CEP112: variants seen among roughly 807,000 people sequenced by gnomAD.
The protein encoded by CEP112 is centrosomal protein of 112 kDa.
A neutral mutation model predicts 153.0 loss-of-function variants in CEP112; 127 were observed. The ratio of observed to expected loss-of-function variants is 0.83; its 90% CI spans 0.72 to 0.96. CEP112 has a LOEUF of 0.96. Among genes scored for constraint, CEP112 ranks in the 40% least tolerant of loss-of-function variants. CEP112 has a pLI of 0.00. For synonymous variants in CEP112, 358 were observed against 374.4 expected, an observed-to-expected ratio of 0.96 and a Z score of 0.51; for missense variants, 1,089 against 1,101.2, an observed-to-expected ratio of 0.99 and a Z score of 0.16.
At chr17:65,685,368 T>TA (rs1472417984) in intron 24 of CEP112, among the ~76,000 whole-genome samples, 5 of 152,188 alleles carry the variant, frequency 3.3e-5, no homozygotes, top group South Asian at 2.1e-4. Context: ...GCAAGCAAGT[T>TA]AAAAAAAGCA....
Position 65,743,168 on chromosome 17 carries a change from C to T in CEP112, c.2507G>A (p.Ser836Asn), listed in dbSNP as rs2051232979. ...TTISSLKEEN[S>N]QQQLAAERRL... ...CCTTTCTGCAGCAAGCTGCTGCTGG[C>T]TGTTCTCTTCTTTCAGAGAGGAAAT... Residue 836 changes from serine to asparagine, a missense_variant, in exon 23 of 27, where the codon AGC (serine) becomes AAC (asparagine). By Grantham distance (46) the Ser-to-Asn change is conservative (BLOSUM62 1). Coordinates refer to ENST00000535342, the MANE Select transcript of CEP112 (RefSeq NM_001199165.4). 8.7e-6 allele frequency: 14 copies of T among 1,612,666 alleles called. No homozygotes were observed. Among genetic ancestry groups the T allele is most frequent in the Non-Finnish European group, 1.2e-5 (14 of 1,179,400 alleles).
chr17:65,941,540 C>T (rs1469957288), intron 18 of CEP112: 1 of 152,138 alleles, frequency 6.6e-6, no homozygotes, highest in Non-Finnish European at 1.5e-5. Flanking sequence ...TAGAAAAACA[C>T]AGCGTTCTCA....
At chr17:65,948,529 C>T (rs1285556872) in intron 18 of CEP112, among the ~76,000 whole-genome samples, 1 of 151,788 alleles carries the variant, frequency 6.6e-6, no homozygotes, top group African/African-American at 2.4e-5. Flanking sequence ...ATGTGTTTCA[C>T]AGAGAATAGG....
At chr17:66,188,860 G>A (rs2073053536) in intron 1 of CEP112, among the ~76,000 whole-genome samples, 2 of 152,086 alleles carry the variant, frequency 1.3e-5, no homozygotes, top group African/African-American at 2.4e-5. Flanking sequence ...ACAAACCAAT[G>A]GAAAATCATA....
At chr17:66,128,088 G>C (rs2069937135) in intron 6 of CEP112, among the ~76,000 whole-genome samples, 1 of 151,920 alleles carries the variant, frequency 6.6e-6, no homozygotes, top group South Asian at 2.1e-4. Flanking sequence ...ATCACCTGAG[G>C]GTCGGGAGTT....
chr17:66,176,244 C>T (rs2072467167), intron 3 of CEP112, among the ~76,000 whole-genome samples: 1 of 152,178 alleles, frequency 6.6e-6, no homozygotes, highest in African/African-American at 2.4e-5. Context: ...TTCTTAAGTA[C>T]AGGCACTCAA....
At chr17:65,752,466 G>A (rs77056458) in intron 21 of CEP112, among the ~76,000 whole-genome samples, 2,141 of 152,216 alleles carry the variant, frequency 0.014, 37 homozygotes, top group African/African-American at 0.049. Flanking sequence ...TTTTCAGAAG[G>A]GCATCAAGGT....
chr17:65,757,454 A>G (rs548424630), intron 21 of CEP112, among the ~76,000 whole-genome samples: 18 of 152,192 alleles, frequency 1.2e-4, no homozygotes, highest in Non-Finnish European at 2.6e-4. Context: ...TAGTCATCTA[A>G]AAAAAGCAGG....
chr17:65,763,225 T>C (rs2052723137), intron 21 of CEP112, among the ~76,000 whole-genome samples: 1 of 151,954 alleles, frequency 6.6e-6, no homozygotes, highest in African/African-American at 2.4e-5. Context: ...TCTGGCAGAT[T>C]TCAATACTTT....
intron 12 of CEP112, among the ~76,000 whole-genome samples, chr17:66,042,493 G>A (rs994313027): frequency 1.3e-5 from 2 of 151,842 alleles, no homozygotes; most frequent in African/African-American, 4.8e-5. Flanking sequence ...CTACTAGATG[G>A]GCATTTTACA....
At chr17:66,124,409 A>G (rs1007048759) in intron 6 of CEP112, among the ~76,000 whole-genome samples, 17 of 151,690 alleles carry the variant, frequency 1.1e-4, no homozygotes, top group South Asian at 2.1e-4. Context: ...AATACATGGG[A>G]AAAAAAAAGT....
chr17:66,112,926 C>A (rs988752209), intron 6 of CEP112, among the ~76,000 whole-genome samples: 6 of 150,864 alleles, frequency 4.0e-5, no homozygotes, highest in Non-Finnish European at 5.9e-5. Context: ...AGCCTGGGTG[C>A]CAGAGTGAAA....
At chr17:66,033,109 G>T (rs943807233) in intron 12 of CEP112, among the ~76,000 whole-genome samples, 2 of 152,018 alleles carry the variant, frequency 1.3e-5, no homozygotes, top group African/African-American at 4.8e-5. Flanking sequence ...ATTGATTAAG[G>T]GAAAGAAATA....
intron 8 of CEP112, among the ~76,000 whole-genome samples, chr17:66,082,744 C>T (rs2067768795): frequency 6.7e-6 from 1 of 149,414 alleles, no homozygotes; most frequent in Admixed American, 6.7e-5. Context: ...GCCTGGGCGA[C>T]AGAGCGAGAC....
At chr17:65,749,517 T>A (rs189306383) in intron 22 of CEP112, among the ~76,000 whole-genome samples, 2,049 of 151,368 alleles carry the variant, frequency 0.014, 51 homozygotes, top group African/African-American at 0.046. Context: ...CAAAAAAAAA[T>A]AAATAAATAA....
At chr17:66,068,972 T>A (rs1173230894) in intron 9 of CEP112, among the ~76,000 whole-genome samples, 2 of 151,870 alleles carry the variant, frequency 1.3e-5, no homozygotes, top group African/African-American at 4.8e-5. Context: ...AATATCTGAA[T>A]GGGGGAGAGG....
chr17:65,675,363 G>A (rs1415743328), intron 24 of CEP112, among the ~76,000 whole-genome samples: 1 of 152,256 alleles, frequency 6.6e-6, no homozygotes, highest in East Asian at 1.9e-4. Context: ...TCACCACCAT[G>A]TCCAGCTAAT....
intron 21 of CEP112, among the ~76,000 whole-genome samples, chr17:65,818,905 T>C (rs1254764037): frequency 1.3e-5 from 2 of 151,870 alleles, no homozygotes; most frequent in Admixed American, 1.3e-4. Context: ...TTAGAAAAGT[T>C]AAAATCAAAA....
chr17:65,696,362 C>T (rs987119233), intron 23 of CEP112, among the ~76,000 whole-genome samples: 1 of 152,152 alleles, frequency 6.6e-6, no homozygotes, highest in African/African-American at 2.4e-5. Context: ...TTGGTTCTGT[C>T]CGTAGGTTCA....
Sources: allele counts gnomAD v4.1 joint callset (sites outside exome capture counted in the v4.1 genomes callset), GRCh38; gene constraint gnomAD v4.1.1; transcripts MANE v1.5; gene names NCBI Gene and HGNC (gene_info 2026-07-23, HGNC 2026-07-21).